ZMYM2: variants seen among roughly 807,000 people sequenced by gnomAD.
ZMYM2 encodes zinc finger MYM-type protein 2.
A neutral mutation model predicts 162.8 loss-of-function variants in ZMYM2; 56 were observed. The ratio of observed to expected loss-of-function variants is 0.34; its 90% confidence interval spans 0.28 to 0.43. ZMYM2 has a LOEUF of 0.43. ZMYM2 is among the 20% of genes least tolerant of loss of function. The probability of loss-of-function intolerance (pLI) is 1.00; values close to 1 mark genes in which losing one functional copy is unlikely to be tolerated. For missense variants in ZMYM2, 1,275 were observed against 1,621.8 expected, an observed-to-expected ratio of 0.79 and a Z score of 3.67; for synonymous variants, 510 against 541.6, an observed-to-expected ratio of 0.94 and a Z score of 0.81.
chr13:20,028,278 C>T (rs1425681013), intron 9 of ZMYM2, among the ~76,000 whole-genome samples: 4 of 152,164 alleles, frequency 2.6e-5, no homozygotes, highest in Admixed American at 6.6e-5. Context: ...GCCATTGATA[C>T]ATCCTTACAG....
At chr13:20,000,731 G>C (rs1017238318) in intron 3 of ZMYM2, among the ~76,000 whole-genome samples, 1 of 152,242 alleles carries the variant, frequency 6.6e-6, no homozygotes, top group Non-Finnish European at 1.5e-5. Flanking sequence ...TGTACAAGGA[G>C]ATGAGTGTTG....
At position 20,050,591 on chromosome 13, in the gene ZMYM2, T is replaced by G. The variant is rs139066998; in HGVS notation, c.2293-842T>G. ...TGAAATTACATCGTTTTTCTGTATT[T>G]GAAGATACATCACTTATATTTTCGT... On this transcript the variant is annotated intron_variant, in intron 12 of 24. Transcript: ENST00000610343. Among the ~76,000 whole-genome samples the G allele has an allele frequency of 1.3e-5, 2 of 152,164 alleles. 1 individual carries two copies. The highest frequency in any genetic ancestry group is 2.9e-5 in the Non-Finnish European group (2 of 67,884).
chr13:20,066,426 A>G (rs1566440576), intron 19 of ZMYM2, among the ~76,000 whole-genome samples: 4 of 152,232 alleles, frequency 2.6e-5, no homozygotes, highest in African/African-American at 9.6e-5. Context: ...CTAGTAGCCT[A>G]CTGTTGACTG....
At chr13:19,900,628 A>C in the ZMYM2 span, among the ~76,000 whole-genome samples, 1 of 152,202 alleles carries the variant, frequency 6.6e-6, no homozygotes, top group African/African-American at 2.4e-5. Context: ...AGACAAAGGC[A>C]ATGCAAGAAA....
chr13:20,036,643 G>A (rs1422048749), intron 11 of ZMYM2, 94 bp from the exon 12 acceptor site: 1 of 1,043,686 alleles, frequency 9.6e-7, no homozygotes, highest in East Asian at 2.9e-5. Flanking sequence ...TTGATCAGGA[G>A]AGGAAAAATC....
the ZMYM2 span, among the ~76,000 whole-genome samples, chr13:19,918,495 C>CTTTTTTTTTTTTTTTTTTTTT: frequency 6.5e-5 from 7 of 107,500 alleles, no homozygotes; most frequent in Non-Finnish European, 9.3e-5. Context: ...TTCTTTCTTT[C>CTTTTTTTTTTTTTTTTTTTTT]TTTTTTTTTT....
At chr13:20,046,310 G>T (rs971876364) in intron 12 of ZMYM2, among the ~76,000 whole-genome samples, 1 of 151,740 alleles carries the variant, frequency 6.6e-6, no homozygotes, top group African/African-American at 2.4e-5. Flanking sequence ...CCTTTGGGAG[G>T]CTGAGGTGAG....
chr13:19,993,023 C>T, intron 2 of ZMYM2, 40 bp from the exon 3 acceptor site: 2 of 1,526,678 alleles, frequency 1.3e-6, no homozygotes, highest in Non-Finnish European at 8.8e-7. Flanking sequence ...CATAAAAAGT[C>T]ATACTGACAT....
At chr13:20,053,779 G>T (rs1208235079) in intron 14 of ZMYM2, among the ~76,000 whole-genome samples, 1 of 152,154 alleles carries the variant, frequency 6.6e-6, no homozygotes, top group East Asian at 1.9e-4. Flanking sequence ...GATGTTAATA[G>T]TTGGACAGAA....
At chr13:19,868,504 G>T in the ZMYM2 span, among the ~76,000 whole-genome samples, 1 of 151,998 alleles carries the variant, frequency 6.6e-6, no homozygotes, top group Non-Finnish European at 1.5e-5. Flanking sequence ...TCAAACCATT[G>T]TTTTCTTTTA....
intron 6 of ZMYM2, among the ~76,000 whole-genome samples, chr13:20,008,773 C>T (rs1172322854): frequency 6.6e-6 from 1 of 151,938 alleles, no homozygotes; most frequent in Non-Finnish European, 1.5e-5. Context: ...ATCAGTGTTA[C>T]ATTTGCTTTA....
At chr13:20,016,743 C>T (rs576816800) in intron 6 of ZMYM2, among the ~76,000 whole-genome samples, 31 of 152,142 alleles carry the variant, frequency 2.0e-4, no homozygotes, top group African/African-American at 7.0e-4. Context: ...TGTGCTGAAC[C>T]ATTTCTGTTT....
intron 2 of ZMYM2, among the ~76,000 whole-genome samples, chr13:19,976,397 TTTC>T (rs1432868112): frequency 2.0e-5 from 3 of 152,122 alleles, no homozygotes; most frequent in African/African-American, 4.8e-5. Flanking sequence ...GTACTTTTTT[TTTC>T]TTTTTTATTT....
the ZMYM2 span, among the ~76,000 whole-genome samples, chr13:19,908,909 A>G: frequency 6.6e-6 from 1 of 152,172 alleles, no homozygotes; most frequent in African/African-American, 2.4e-5. Context: ...GAAAGCTTTG[A>G]CCTTGAGGAT....
At position 20,011,075 on chromosome 13, in the gene ZMYM2, T is replaced by C. The variant is rs79688084; in HGVS notation, c.1512+4489T>C. ...CCATCACCCCAAAATTATTTTTTTATGTTGGGAACATTCGAAATTCTCTCT... is the reference window on the plus strand; with the variant it reads ...CCATCACCCCAAAATTATTTTTTTACGTTGGGAACATTCGAAATTCTCTCT... On this transcript the variant is annotated intron_variant, in intron 6 of 24. Coordinates refer to ENST00000610343, the MANE Select transcript of ZMYM2 (RefSeq NM_197968.4). 5.4e-4 allele frequency among the ~76,000 whole-genome samples: 83 copies of C among 152,376 alleles called. 2 individuals carry two copies. In the East Asian group the frequency reaches 0.016, roughly 29 times the overall value.
At chr13:19,895,076 C>CAA in the ZMYM2 span, among the ~76,000 whole-genome samples, 2,467 of 82,916 alleles carry the variant, frequency 0.03, 144 homozygotes, top group East Asian at 0.042. Context: ...AACTCCATCT[C>CAA]AAAAAAAAAA....
At chr13:19,933,930 T>C in the ZMYM2 span, among the ~76,000 whole-genome samples, 3 of 152,220 alleles carry the variant, frequency 2.0e-5, no homozygotes, top group African/African-American at 7.2e-5. Flanking sequence ...CAGTATCCAC[T>C]ATACTGAAAA....
At chr13:19,964,640 C>G (rs1209269128) in intron 2 of ZMYM2, among the ~76,000 whole-genome samples, 1 of 151,672 alleles carries the variant, frequency 6.6e-6, no homozygotes, top group Admixed American at 6.6e-5. Flanking sequence ...TTTGTTTATT[C>G]TTAATTTAGA....
the ZMYM2 span, among the ~76,000 whole-genome samples, chr13:19,895,823 T>C: frequency 6.6e-6 from 1 of 151,776 alleles, no homozygotes; most frequent in Non-Finnish European, 1.5e-5. Context: ...GTCATGTTTA[T>C]TGCACATTAC....
Sources: gnomAD v4.1 joint callset for allele counts (sites outside exome capture counted in the v4.1 genomes callset) on GRCh38, gnomAD v4.1.1 for gene constraint, MANE v1.5 for transcripts, NCBI Gene and HGNC (gene_info 2026-07-23, HGNC 2026-07-21) for gene names.